SCAPER: variants seen among roughly 807,000 people sequenced by gnomAD.
SCAPER encodes S phase cyclin A-associated protein in the endoplasmic reticulum.
A neutral mutation model predicts 182.2 loss-of-function variants in SCAPER; 98 were observed. The observed-to-expected ratio is 0.54, with a 90% confidence interval of 0.46 to 0.64. SCAPER has a LOEUF of 0.64. Ranked by LOEUF, SCAPER falls within the 30% of genes least tolerant of loss-of-function variation. The pLI is 0.00. For missense variants in SCAPER, 1,432 were observed against 1,690.0 expected (o/e 0.85, Z 2.68); for synonymous variants, 605 against 564.6 (o/e 1.07, Z -1.01).
intron 19 of SCAPER, among the ~76,000 whole-genome samples, chr15:76,702,152 T>C (rs933152565): frequency 1.3e-5 from 2 of 150,372 alleles, no homozygotes; most frequent in African/African-American, 4.8e-5. Context: ...GACAAAGCGA[T>C]ACTCCATCTC....
intron 29 of SCAPER, among the ~76,000 whole-genome samples, chr15:76,365,495 T>A (rs946062318): frequency 6.6e-6 from 1 of 152,212 alleles, no homozygotes; most frequent in Non-Finnish European, 1.5e-5. Flanking sequence ...AAGACTTGGC[T>A]AAGCTAAAAG....
At chr15:76,723,098 G>A (rs1480407693) in intron 17 of SCAPER, among the ~76,000 whole-genome samples, 1 of 151,972 alleles carries the variant, frequency 6.6e-6, no homozygotes, top group Non-Finnish European at 1.5e-5. Flanking sequence ...ACACTGCTTT[G>A]AATGTGTCCC....
chr15:76,431,281 T>C (rs1039626990), intron 26 of SCAPER, among the ~76,000 whole-genome samples: 5 of 152,112 alleles, frequency 3.3e-5, no homozygotes, highest in Admixed American at 1.3e-4. Context: ...AAAAGTCTTT[T>C]TAAATTTTTG....
chr15:76,814,580 C>T (rs1463806834), intron 5 of SCAPER, among the ~76,000 whole-genome samples: 1 of 152,188 alleles, frequency 6.6e-6, no homozygotes, highest in East Asian at 1.9e-4. Context: ...AGGAACTAGA[C>T]CCTTATCTTA....
chr15:76,385,318 T>C (rs2043224446), intron 27 of SCAPER: 1 of 152,230 alleles, frequency 6.6e-6, no homozygotes, highest in African/African-American at 2.4e-5. Flanking sequence ...TATAATCCCT[T>C]TTCTTCTGTT....
chr15:76,559,856 G>A (rs973239897), intron 23 of SCAPER, among the ~76,000 whole-genome samples: 29 of 152,144 alleles, frequency 1.9e-4, no homozygotes, highest in African/African-American at 7.0e-4. Context: ...ACTTACCTAA[G>A]TAACAAACCT....
chr15:76,848,856 C>T (rs1459002081), intron 4 of SCAPER, among the ~76,000 whole-genome samples: 1 of 152,088 alleles, frequency 6.6e-6, no homozygotes, highest in Non-Finnish European at 1.5e-5. Flanking sequence ...AACCCCCACC[C>T]CTACTCTTCA....
intron 5 of SCAPER, among the ~76,000 whole-genome samples, chr15:76,825,708 C>T (rs1293158676): frequency 6.6e-6 from 1 of 152,164 alleles, no homozygotes; most frequent in Non-Finnish European, 1.5e-5. Flanking sequence ...TTTCCTACTA[C>T]ACCTAGTGGT....
chr15:76,753,513 G>T (rs1343975980), intron 15 of SCAPER, among the ~76,000 whole-genome samples: 1 of 151,892 alleles, frequency 6.6e-6, no homozygotes, highest in Non-Finnish European at 1.5e-5. Flanking sequence ...TCATTGTACT[G>T]ATAGTTTCAA....
At chr15:76,608,123 G>GT (rs985586720) in intron 22 of SCAPER, among the ~76,000 whole-genome samples, 5 of 151,888 alleles carry the variant, frequency 3.3e-5, no homozygotes, top group Admixed American at 2.0e-4. Context: ...TTTTTCTGCT[G>GT]TTTTTTTTCC....
At chr15:76,435,550 TACTAC>T (rs1226742151) in intron 25 of SCAPER, among the ~76,000 whole-genome samples, 1 of 152,184 alleles carries the variant, frequency 6.6e-6, no homozygotes, top group Non-Finnish European at 1.5e-5. Flanking sequence ...TCTCTAGGCC[TACTAC>T]ACAGCTCTAG....
At chr15:76,685,526 C>T (rs994160684) in intron 20 of SCAPER, among the ~76,000 whole-genome samples, 4 of 152,048 alleles carry the variant, frequency 2.6e-5, no homozygotes, top group Non-Finnish European at 4.4e-5. Flanking sequence ...TAAAAAATAC[C>T]GCCAGGGGGA....
chr15:76,784,889 T>C (rs968506630), intron 8 of SCAPER, among the ~76,000 whole-genome samples: 1 of 152,182 alleles, frequency 6.6e-6, no homozygotes, highest in Non-Finnish European at 1.5e-5. Flanking sequence ...TCAAGATGGA[T>C]TAAAGACTTA....
chr15:76,652,759 C>G (rs1240589253), intron 21 of SCAPER, among the ~76,000 whole-genome samples: 1 of 151,758 alleles, frequency 6.6e-6, no homozygotes, highest in Non-Finnish European at 1.5e-5. Context: ...GATAAACCCA[C>G]AGCCAACATC....
At chr15:76,360,925 G>C (rs1469627434) in intron 29 of SCAPER, among the ~76,000 whole-genome samples, 1 of 151,694 alleles carries the variant, frequency 6.6e-6, no homozygotes, top group Non-Finnish European at 1.5e-5. Context: ...GACAGGTTTT[G>C]AGTGCCTTGC....
At chr15:76,814,218 C>A (rs186525272) in intron 5 of SCAPER, among the ~76,000 whole-genome samples, 235 of 152,138 alleles carry the variant, frequency 1.5e-3, no homozygotes, top group Non-Finnish European at 2.3e-3. Context: ...GCAATCACTA[C>A]CAAATTGTAC....
chr15:76,511,032 A>G (rs183702778), intron 23 of SCAPER, among the ~76,000 whole-genome samples: 11 of 152,346 alleles, frequency 7.2e-5, no homozygotes, highest in Admixed American at 5.9e-4. Flanking sequence ...GTTCTCACTC[A>G]TAAGTGGGAG....
intron 23 of SCAPER, among the ~76,000 whole-genome samples, chr15:76,559,165 G>A (rs897721233): frequency 6.6e-6 from 1 of 150,450 alleles, no homozygotes; most frequent in African/African-American, 2.5e-5. Flanking sequence ...CTGCTGAGTA[G>A]CTGGGATTAT....
intron 25 of SCAPER, among the ~76,000 whole-genome samples, chr15:76,448,909 C>T (rs1419640084): frequency 2.0e-5 from 3 of 152,112 alleles, no homozygotes; most frequent in South Asian, 2.1e-4. Context: ...TAAGTATTAC[C>T]AGAAGCCAGT....
Sources: allele counts gnomAD v4.1 joint callset (sites outside exome capture counted in the v4.1 genomes callset), GRCh38; gene constraint gnomAD v4.1.1; transcripts MANE v1.5; gene names NCBI Gene and HGNC (gene_info 2026-07-23, HGNC 2026-07-21).